SPAG9: variants seen among roughly 807,000 people sequenced by gnomAD.
SPAG9 encodes C-Jun-amino-terminal kinase-interacting protein 4.
A neutral mutation model predicts 166.5 loss-of-function variants in SPAG9; 35 were observed. That is an observed-to-expected ratio of 0.21 (90% confidence interval 0.16 to 0.28). The LOEUF (loss-of-function observed/expected upper bound fraction) is 0.28, where lower values mean the gene tolerates loss of function less well. Ranked by LOEUF, SPAG9 falls within the 10% of genes least tolerant of loss-of-function variation. The probability of loss-of-function intolerance (pLI) is 1.00; values close to 1 mark genes in which losing one functional copy is unlikely to be tolerated. For synonymous variants in SPAG9, 534 were observed against 565.5 expected (o/e 0.94, Z 0.79); for missense variants, 1,235 against 1,603.3 (o/e 0.77, Z 3.92).
At chr17:51,079,355 C>G (rs2048101353) in intron 2 of SPAG9, among the ~76,000 whole-genome samples, 1 of 152,058 alleles carries the variant, frequency 6.6e-6, no homozygotes, top group South Asian at 2.1e-4. Flanking sequence ...TCTCGTGCCT[C>G]AGCCTCCTAA....
intron 27 of SPAG9, among the ~76,000 whole-genome samples, chr17:50,975,640 A>T (rs1253369385): frequency 3.9e-5 from 6 of 152,210 alleles, no homozygotes; most frequent in African/African-American, 1.4e-4. Context: ...GTCTGAAAGA[A>T]AGTTCAGCTG....
chr17:50,970,332 G>A (rs1441672452), intron 29 of SPAG9, among the ~76,000 whole-genome samples: 3 of 152,018 alleles, frequency 2.0e-5, no homozygotes, highest in African/African-American at 7.2e-5. Flanking sequence ...TGGCCAACAT[G>A]GTGAAACCTT....
At chr17:50,978,889 T>C (rs935576986) in intron 26 of SPAG9, among the ~76,000 whole-genome samples, 6 of 152,170 alleles carry the variant, frequency 3.9e-5, no homozygotes, top group African/African-American at 1.2e-4. Context: ...CCTTGGTTAC[T>C]AGGCAGAGAA....
At chr17:51,032,536 G>A (rs556133727) in intron 5 of SPAG9, among the ~76,000 whole-genome samples, 6 of 152,036 alleles carry the variant, frequency 3.9e-5, no homozygotes, top group African/African-American at 1.2e-4. Context: ...TCTATGAGAC[G>A]GATGTGTTTC....
At chr17:51,086,313 G>A (rs746966132) in intron 1 of SPAG9, among the ~76,000 whole-genome samples, 4 of 150,844 alleles carry the variant, frequency 2.7e-5, no homozygotes, top group Middle Eastern at 3.2e-3. Context: ...ATTAAGTCTT[G>A]GTTTGGAAAC....
At chr17:51,100,735 C>T (rs570943264) in intron 1 of SPAG9, among the ~76,000 whole-genome samples, 25 of 152,188 alleles carry the variant, frequency 1.6e-4, no homozygotes, top group African/African-American at 6.0e-4. Flanking sequence ...GCCTGACTAA[C>T]ATGGAGAAAC....
At chr17:51,118,710 C>T (rs1568105003) in intron 1 of SPAG9, among the ~76,000 whole-genome samples, 1 of 152,144 alleles carries the variant, frequency 6.6e-6, no homozygotes, top group South Asian at 2.1e-4. Flanking sequence ...GGTTTTTCAT[C>T]CCTTCCTTCC....
At chr17:51,034,140 A>C (rs1392865407) in intron 5 of SPAG9, among the ~76,000 whole-genome samples, 2 of 152,250 alleles carry the variant, frequency 1.3e-5, no homozygotes, top group East Asian at 3.8e-4. Flanking sequence ...AATTGAGTTT[A>C]TAGAACAAAT....
intron 1 of SPAG9, among the ~76,000 whole-genome samples, chr17:51,118,597 A>G (rs994484346): frequency 5.9e-5 from 9 of 152,202 alleles, no homozygotes; most frequent in Non-Finnish European, 1.3e-4. Flanking sequence ...ATATCCACAC[A>G]CTGGCAAGGG....
chr17:51,088,705 G>C (rs1042756939), intron 1 of SPAG9, among the ~76,000 whole-genome samples: 1 of 152,162 alleles, frequency 6.6e-6, no homozygotes, highest in Non-Finnish European at 1.5e-5. Flanking sequence ...GGCTGAGGTA[G>C]GAGAATGGCA....
intron 2 of SPAG9, among the ~76,000 whole-genome samples, chr17:51,073,172 G>C (rs561063922): frequency 6.6e-6 from 1 of 151,994 alleles, no homozygotes; most frequent in Non-Finnish European, 1.5e-5. Flanking sequence ...CTGAAAAAAT[G>C]CAAAAATTTT....
chr17:51,079,832 G>C, intron 1 of SPAG9, 128 bp from the exon 2 acceptor site: 1 of 573,664 alleles, frequency 1.7e-6, no homozygotes, highest in Non-Finnish European at 2.9e-6. Context: ...TATGACCTTG[G>C]GTTGATTTTT....
chr17:51,096,765 AAAAT>A (rs1169082286), intron 1 of SPAG9, among the ~76,000 whole-genome samples: 1 of 152,246 alleles, frequency 6.6e-6, no homozygotes, highest in African/African-American at 2.4e-5. Flanking sequence ...CAGGTAAAAA[AAAAT>A]AAAATGCAAG....
intron 1 of SPAG9, among the ~76,000 whole-genome samples, chr17:51,105,767 G>A (rs1485419755): frequency 6.6e-6 from 1 of 151,998 alleles, no homozygotes; most frequent in Non-Finnish European, 1.5e-5. Context: ...CTACTCAGGA[G>A]GCTGAGGCAG....
At chr17:50,991,759 G>A (rs945217685) in intron 19 of SPAG9, among the ~76,000 whole-genome samples, 16 of 151,524 alleles carry the variant, frequency 1.1e-4, no homozygotes, top group African/African-American at 3.4e-4. Context: ...AAGTAGCTGC[G>A]ATTACAAGCG....
rs1445356708 is a variant in SPAG9, at chr17:50,962,462, TA to T, written c.*3809del. On this transcript the variant is annotated 3_prime_UTR_variant, in exon 30 of 30. Transcript: ENST00000262013. ...ATAGAGAAATGTATGACAAAATTAA[TA>T]AAACTTAATCTTTTAAGAGAAAAGA... is the stretch of plus-strand genomic sequence containing the variant. The T allele has an allele frequency of 6.6e-6, 1 of 152,220 alleles. No individual in the cohort carries two copies. Among genetic ancestry groups the T allele is most frequent in the African/African-American group, 2.4e-5 (1 of 41,462 alleles). The allele number at this position is 152,220 out of a possible 1,614,324, so 9.4% of individuals were successfully genotyped here.
chr17:50,992,722 G>T (rs780609679), intron 19 of SPAG9, among the ~76,000 whole-genome samples: 4 of 144,906 alleles, frequency 2.8e-5, no homozygotes, highest in Non-Finnish European at 6.1e-5. Context: ...TAGATCTCAG[G>T]CTGGGTTCAG....
chr17:51,081,491 C>A (rs554683885), intron 1 of SPAG9, among the ~76,000 whole-genome samples: 1 of 152,078 alleles, frequency 6.6e-6, no homozygotes, highest in East Asian at 1.9e-4. Flanking sequence ...TGCCTGTAAT[C>A]CCAGCACTTT....
chr17:51,050,912 C>T (rs2047160948), intron 3 of SPAG9, among the ~76,000 whole-genome samples: 1 of 144,322 alleles, frequency 6.9e-6, no homozygotes, highest in Non-Finnish European at 1.5e-5. Context: ...GGAGTCAATT[C>T]AGCAATAAAC....
Sources: allele counts gnomAD v4.1 joint callset (sites outside exome capture counted in the v4.1 genomes callset), GRCh38; gene constraint gnomAD v4.1.1; transcripts MANE v1.5; gene names NCBI Gene and HGNC (gene_info 2026-07-23, HGNC 2026-07-21).